Variants in ANKRD35 observed in about 807,000 individuals in gnomAD.
ANKRD35 encodes the protein ankyrin repeat domain 35.
ANKRD35 carries 102 observed loss-of-function variants against 109.9 expected under a neutral mutation model. The observed-to-expected ratio is 0.93, with a 90% CI of 0.79 to 1.09. The LOEUF is 1.09. Ranked by LOEUF, ANKRD35 falls within the 50% of genes least tolerant of loss-of-function variation. The pLI is 0.00. For missense variants in ANKRD35, 1,240 were observed against 1,230.1 expected (o/e 1.01, Z -0.12); for synonymous variants, 515 against 512.4 (o/e 1.01, Z -0.07).
At position 145,873,484 on chromosome 1, in the gene ANKRD35, G is replaced by A. The variant is rs912491198; in HGVS notation, c.1285C>T (p.Gln429Ter). 3.1e-6 allele frequency: 5 copies of A among 1,613,894 alleles called. No individual in the cohort carries two copies. The African/African-American group carries it at 6.7e-5, about 22-fold the overall frequency. Residue 429 changes from glutamine to a stop codon, truncating the protein, a stop_gained, in exon 10 of 14, where the codon CAG becomes TAG. Transcript: ENST00000355594. LOFTEE classifies it high-confidence loss of function. The part of the protein sequence containing the change: ...RSQPEEQGPP[Q>*]SPASETIRKA... ...CTGATGGTCTCAGACGCTGGGCTCTGGGGTGGCCCCTGTTCTTCTGGTTGG... is the reference window on the plus strand; with the variant it reads ...CTGATGGTCTCAGACGCTGGGCTCTAGGGTGGCCCCTGTTCTTCTGGTTGG...
intron 1 of ANKRD35, 78 bp from the exon 2 acceptor site, chr1:145,879,466 T>C: frequency 7.4e-7 from 1 of 1,350,272 alleles, no homozygotes; most frequent in Non-Finnish European, 9.7e-7. Flanking sequence ...ATGGTTAGGA[T>C]GCCAAATGAG....
At chr1:145,868,749 G>A (rs1361976602) in intron 10 of ANKRD35, among the ~76,000 whole-genome samples, 1 of 152,196 alleles carries the variant, frequency 6.6e-6, no homozygotes, top group Admixed American at 6.5e-5. Flanking sequence ...CTACTGTGAT[G>A]ATTCCTATTT....
chr1:145,878,419 C>T lies in ANKRD35; in HGVS notation c.231G>A (p.Gly77=), dbSNP rs781985123. The change falls in exon 3 of 14, where the codon GGG becomes GGA. Residue 77 remains glycine, a synonymous_variant. Transcript: ENST00000355594. ...CCTCATTCTTGCTGTTGATGTCAGC[C>T]CCATTTGCAAGCAGGATAGTCAGAC... ...TECLTILLAN[G]ADINSKNEDG... is the part of the protein sequence containing the mutation. 2 of 1,570,670 alleles carry T rather than the reference C, an allele frequency of 1.3e-6. No individual in the cohort carries two copies. The highest frequency in any genetic ancestry group is 1.7e-6 in the Non-Finnish European group (2 of 1,156,932).
intron 4 of ANKRD35, 129 bp from the exon 5 acceptor site, chr1:145,877,002 C>A: frequency 1.1e-6 from 1 of 878,138 alleles, no homozygotes; most frequent in Non-Finnish European, 1.8e-6. Flanking sequence ...AGAAGGCTAT[C>A]TACTAGGCAA....
intron 10 of ANKRD35, 60 bp from the exon 11 acceptor site, chr1:145,868,460 C>G (rs1653686685): frequency 6.8e-7 from 1 of 1,474,200 alleles, no homozygotes. Flanking sequence ...CCACAAGGGT[C>G]AAGGTCAGCT....
At chr1:145,884,654 G>A (rs1654414718) in intron 1 of ANKRD35, among the ~76,000 whole-genome samples, 1 of 151,462 alleles carries the variant, frequency 6.6e-6, no homozygotes, top group African/African-American at 2.4e-5. Flanking sequence ...TTTTTTCTGG[G>A]AGAACATGGG....
chr1:145,885,324 C>T (rs1358336250), intron 1 of ANKRD35, among the ~76,000 whole-genome samples: 3 of 151,886 alleles, frequency 2.0e-5, no homozygotes, highest in African/African-American at 7.3e-5. Flanking sequence ...TGGGGCATGA[C>T]TTGGTGGTGT....
chr1:145,868,310 C>T lies in ANKRD35; in HGVS notation c.2877+1G>A, dbSNP rs367660717. The T allele has an allele frequency of 1.2e-6, 2 of 1,614,154 alleles. No individual in the cohort carries two copies. The highest frequency in any genetic ancestry group is 8.5e-7 in the Non-Finnish European group (1 of 1,179,996). ...CACCATCCCTGACAGCCAAAACATA[C>T]CTGCAGCTGCAGGGCAAGGCGAGCA... On this transcript the variant is annotated splice_donor_variant, in intron 11 of 13. Coordinates refer to ENST00000355594, the MANE Select transcript of ANKRD35 (RefSeq NM_144698.5). LOFTEE classifies it high-confidence loss of function.
intron 6 of ANKRD35, 55 bp from the exon 7 acceptor site, chr1:145,876,301 C>T (rs1654071835): frequency 1.3e-6 from 2 of 1,532,384 alleles, no homozygotes; most frequent in African/African-American, 2.7e-5. Flanking sequence ...AGAGGCTTGA[C>T]AATCCTACCG....
chr1:145,879,299 T>A lies in ANKRD35; in HGVS notation c.129A>T (p.Lys43Asn). Reference protein sequence around the residue: ...VGRVAALASRKSARPTKLDSN... With the variant: ...VGRVAALASRNSARPTKLDSN... ...AGTCAAGCTTGGTGGGTCGGGCAGA[T>A]TTCCTGGAGGCCAGGGCAGCCACGC... The change falls in exon 2 of 14, where the codon AAA (lysine) becomes AAT (asparagine). Residue 43 changes from lysine (K) to asparagine (N), a missense_variant. Transcript: ENST00000355594. 2 of 1,611,800 alleles carry A rather than the reference T, an allele frequency of 1.2e-6. No homozygotes were observed. The highest frequency in any genetic ancestry group is 2.2e-5 in the South Asian group (2 of 90,612).
intron 1 of ANKRD35, among the ~76,000 whole-genome samples, chr1:145,884,731 C>T (rs1654416809): frequency 8.6e-4 from 1 of 1,160 alleles, no homozygotes; most frequent in Non-Finnish European, 1.3e-3. Flanking sequence ...TCACTTTCCC[C>T]CACCTCAACC....
At chr1:145,868,249 A>C in intron 11 of ANKRD35, 62 bp downstream of exon 11, 1 of 1,551,854 alleles carries the variant, frequency 6.4e-7, no homozygotes. Context: ...TGTCTCCCAC[A>C]TATACATCAC....
intron 11 of ANKRD35, 29 bp downstream of exon 11, chr1:145,868,282 C>T (rs1653678506): frequency 6.2e-7 from 1 of 1,610,404 alleles, no homozygotes; most frequent in Non-Finnish European, 8.5e-7. Context: ...CCTTCTTCTC[C>T]AGCACCATCC....
chr1:145,878,618 A>G, intron 2 of ANKRD35, 139 bp from the exon 3 acceptor site: 1 of 736,732 alleles, frequency 1.4e-6, no homozygotes, highest in East Asian at 2.7e-5. Context: ...CCCTAGCTTG[A>G]ATTTCTGAGA....
At chr1:145,876,312 G>T in intron 6 of ANKRD35, 66 bp from the exon 7 acceptor site, 2 of 1,477,708 alleles carry the variant, frequency 1.4e-6, no homozygotes, top group South Asian at 1.2e-5. Flanking sequence ...AATCCTACCG[G>T]CTCCCCTCCC....
Position 145,873,249 on chromosome 1 carries a change from T to A in ANKRD35, c.1520A>T (p.Asp507Val). 6.2e-7 allele frequency: 1 copy of A among 1,614,128 alleles called. No homozygotes were observed. Among genetic ancestry groups the A allele is most frequent in the Non-Finnish European group, 8.5e-7 (1 of 1,180,012 alleles). Residue 507 changes from aspartate (D) to valine (V), a missense_variant, in exon 10 of 14, where the codon GAT (aspartate) becomes GTT (valine). Physicochemically the swap from Asp to Val is radical, Grantham distance 152 (BLOSUM62 -3). Transcript: ENST00000355594. ...TCTTGACAAAGCCCCCCGGGCAGCATCCTTTTCTCGCCACACTGCAGCAAG... is the reference window on the plus strand; with the variant it reads ...TCTTGACAAAGCCCCCCGGGCAGCAACCTTTTCTCGCCACACTGCAGCAAG... The part of the protein sequence containing the change: ...EELAAVWREK[D>V]AARGALSRPV...
rs1553738912 is a variant in ANKRD35, at chr1:145,872,399, C to T, written c.2370G>A (p.Glu790=). 1 of 1,613,326 alleles carries T rather than the reference C, an allele frequency of 6.2e-7. No homozygotes were observed. The highest frequency in any genetic ancestry group is 2.2e-5 in the East Asian group (1 of 44,862). Residue 790 remains glutamate (E), a synonymous_variant, in exon 10 of 14, where the codon GAG becomes GAA. Transcript: ENST00000355594. ...TGGCCTGAACTGCCCGCAGCTCTTC[C>T]TCCAGCTTCCCCAGGTCTTGCTCCA... ...AALEQDLGKL[E]EELRAVQATM... is the part of the protein sequence containing the mutation.
At chr1:145,877,947 G>T in intron 4 of ANKRD35, 21 bp downstream of exon 4, 1 of 1,610,624 alleles carries the variant, frequency 6.2e-7, no homozygotes, top group Non-Finnish European at 8.5e-7. Context: ...CATAAGAGTG[G>T]TATCAAGGGA....
intron 1 of ANKRD35, 152 bp downstream of exon 1, chr1:145,885,568 A>G (rs1654446331): frequency 1.1e-6 from 1 of 899,298 alleles, no homozygotes; most frequent in Admixed American, 2.1e-5. Context: ...GGTCTTGAGG[A>G]AGGCAAAGCT....
Sources: allele counts gnomAD v4.1 joint callset (sites outside exome capture counted in the v4.1 genomes callset), GRCh38; gene constraint gnomAD v4.1.1; transcripts MANE v1.5; gene names NCBI Gene and HGNC (gene_info 2026-07-23, HGNC 2026-07-21).